The following PEPD variants were observed in gnomAD, a reference collection of about 807,000 sequenced individuals.
PEPD encodes the protein peptidase D.
In PEPD, 53 loss-of-function variants were observed where a neutral mutation model predicts 60.7. That is an observed-to-expected ratio of 0.87 (90% CI 0.70 to 1.10). PEPD has a LOEUF of 1.10. PEPD is among the 50% of genes least tolerant of loss of function. The pLI is 0.00. For missense variants in PEPD, 711 were observed against 711.9 expected (o/e 1.00, Z 0.01); for synonymous variants, 267 against 284.1 (o/e 0.94, Z 0.60).
intron 1 of PEPD, among the ~76,000 whole-genome samples, chr19:33,521,124 A>G (rs1310606321): frequency 6.6e-6 from 1 of 152,224 alleles, no homozygotes; most frequent in East Asian, 1.9e-4. Context: ...TTAGCCCAGT[A>G]TGGAGCACCT....
At chr19:33,476,740 T>G (rs1970222760) in intron 7 of PEPD, among the ~76,000 whole-genome samples, 1 of 152,188 alleles carries the variant, frequency 6.6e-6, no homozygotes, top group African/African-American at 2.4e-5. Flanking sequence ...CTCAGCTCAC[T>G]GCAACCTCCG....
At chr19:33,518,525 C>T (rs1971067865) in intron 1 of PEPD, among the ~76,000 whole-genome samples, 1 of 152,172 alleles carries the variant, frequency 6.6e-6, no homozygotes, top group Non-Finnish European at 1.5e-5. Context: ...GGCTCTGCAA[C>T]AGCTCCTGGG....
intron 9 of PEPD, among the ~76,000 whole-genome samples, chr19:33,460,804 C>T (rs996982185): frequency 6.6e-6 from 1 of 152,146 alleles, no homozygotes; most frequent in African/African-American, 2.4e-5. Context: ...TCGGCTGTGG[C>T]CTCTGGCTTC....
intron 11 of PEPD, among the ~76,000 whole-genome samples, chr19:33,405,437 G>A (rs1246322477): frequency 2.6e-5 from 4 of 152,230 alleles, no homozygotes; most frequent in African/African-American, 7.2e-5. Context: ...GCTCATATTC[G>A]GGGCTGCAGA....
intron 1 of PEPD, among the ~76,000 whole-genome samples, chr19:33,519,740 G>C (rs1971096715): frequency 6.6e-6 from 1 of 152,172 alleles, no homozygotes; most frequent in Non-Finnish European, 1.5e-5. Flanking sequence ...CACCCTGTGT[G>C]GTGGCCCAGA....
intron 1 of PEPD, among the ~76,000 whole-genome samples, chr19:33,517,119 T>C (rs758896899): frequency 6.6e-6 from 1 of 152,168 alleles, no homozygotes; most frequent in Non-Finnish European, 1.5e-5. Context: ...AGGCGGAGAC[T>C]ACAGTGAGCT....
intron 12 of PEPD, among the ~76,000 whole-genome samples, chr19:33,394,889 CT>C (rs568319306): frequency 4.9e-4 from 75 of 152,376 alleles, no homozygotes; most frequent in African/African-American, 1.8e-3. Context: ...ACCCCTGCAC[CT>C]GCCCCACCCC....
intron 3 of PEPD, among the ~76,000 whole-genome samples, chr19:33,504,969 C>A (rs993001090): frequency 6.6e-6 from 1 of 152,112 alleles, no homozygotes; most frequent in Non-Finnish European, 1.5e-5. Context: ...AGAGGCCTTT[C>A]CCAGTCCCCG....
intron 7 of PEPD, among the ~76,000 whole-genome samples, chr19:33,467,173 A>C (rs1970036317): frequency 6.6e-6 from 1 of 150,798 alleles, no homozygotes; most frequent in African/African-American, 2.4e-5. Context: ...AAAAAAAAAG[A>C]AAGAAAGAAA....
intron 9 of PEPD, among the ~76,000 whole-genome samples, chr19:33,439,137 G>A (rs1032585367): frequency 3.3e-5 from 5 of 152,246 alleles, no homozygotes; most frequent in Non-Finnish European, 5.9e-5. Context: ...TGCTTGAGAC[G>A]TCATGGACTG....
At chr19:33,493,504 T>C (rs2145322832) in intron 4 of PEPD, 167 bp from the exon 5 acceptor site, 1 of 697,402 alleles carries the variant, frequency 1.4e-6, no homozygotes. Context: ...CAGCTTCCCC[T>C]GGTTGAAGGA....
Position 33,501,076 on chromosome 19 carries a change from A to G in PEPD, c.330-75T>C. ...AGCATGGCCACCTTCCTGCCTGCCA[A>G]GCCCAGGCCATGGAGCCCCAGTCCC... is the stretch of plus-strand genomic sequence containing the variant. On this transcript the variant is annotated intron_variant, in intron 3 of 14. Transcript: ENST00000244137. The G allele has an allele frequency of 7.8e-6, 7 of 896,548 alleles. No homozygotes were observed. In the South Asian group the frequency reaches 9.1e-5, roughly 12 times the overall value. The allele number at this position is 896,548 out of a possible 1,614,324, so 55.5% of individuals were successfully genotyped here.
At chr19:33,499,435 G>C (rs576115313) in intron 4 of PEPD, among the ~76,000 whole-genome samples, 1 of 152,310 alleles carries the variant, frequency 6.6e-6, no homozygotes, top group South Asian at 2.1e-4. Flanking sequence ...CTCCTGCACT[G>C]GACTGTGCCC....
rs114089512 is a variant in PEPD, at chr19:33,407,339, G to A, written c.818+4333C>T. ...TGCTTCCCAGAATCGTGGACCATGC[G>A]CCCCCTGCCCTAGCTGCGAAGCTTG... On this transcript the variant is annotated intron_variant, in intron 11 of 14. Coordinates refer to ENST00000244137, the MANE Select transcript of PEPD (RefSeq NM_000285.4). Among the ~76,000 whole-genome samples, 659 of 152,334 alleles carry A rather than the reference G, an allele frequency of 4.3e-3. 7 individuals carry two copies. Among genetic ancestry groups the A allele is most frequent in the African/African-American group, 0.015 (632 of 41,574 alleles).
intron 11 of PEPD, among the ~76,000 whole-genome samples, chr19:33,406,657 G>A (rs993331905): frequency 6.6e-6 from 1 of 152,164 alleles, no homozygotes; most frequent in African/African-American, 2.4e-5. Flanking sequence ...GGGGCAAGGG[G>A]GTCCCCAGGA....
At chr19:33,489,068 GGGCTCTCCCGCCCTCTCCA>G (rs1456418715) in intron 6 of PEPD, among the ~76,000 whole-genome samples, 1 of 152,176 alleles carries the variant, frequency 6.6e-6, no homozygotes, top group African/African-American at 2.4e-5. Context: ...CCAGTGGGCA[GGGCTCTCCCGCCCTCTCCA>G]GGCTCTCCCG....
At chr19:33,413,280 C>G (rs965961375) in intron 10 of PEPD, among the ~76,000 whole-genome samples, 1 of 152,220 alleles carries the variant, frequency 6.6e-6, no homozygotes, top group Non-Finnish European at 1.5e-5. Flanking sequence ...CCTTCCTGTG[C>G]TTAGCTGCTG....
At chr19:33,419,522 C>A (rs540090501) in intron 9 of PEPD, among the ~76,000 whole-genome samples, 1 of 152,330 alleles carries the variant, frequency 6.6e-6, no homozygotes, top group African/African-American at 2.4e-5. Context: ...CCCACTGAAT[C>A]CGTGTTCGGG....
intron 7 of PEPD, among the ~76,000 whole-genome samples, chr19:33,467,376 G>GTCTCC (rs1286762561): frequency 1.3e-5 from 2 of 151,290 alleles, no homozygotes; most frequent in East Asian, 3.9e-4. Context: ...TAGAGTTAAT[G>GTCTCC]TCTCCCCCAA....
Sources: allele counts gnomAD v4.1 joint callset (sites outside exome capture counted in the v4.1 genomes callset), GRCh38; gene constraint gnomAD v4.1.1; transcripts MANE v1.5; gene names NCBI Gene and HGNC (gene_info 2026-07-23, HGNC 2026-07-21).